Variants in SUSD4 observed in about 807,000 individuals in gnomAD.
SUSD4 encodes the protein sushi domain-containing protein 4.
Under a neutral mutation model 50.5 loss-of-function variants are expected in SUSD4, and 41 were observed. The ratio of observed to expected loss-of-function variants is 0.81; its 90% confidence interval spans 0.63 to 1.05. SUSD4 has a LOEUF of 1.05. Ranked by LOEUF, SUSD4 falls within the 50% of genes least tolerant of loss-of-function variation. The pLI, the probability that SUSD4 is intolerant of heterozygous loss-of-function variation, is 0.00. For missense variants in SUSD4, 580 were observed against 634.7 expected (o/e 0.91, Z 0.93); for synonymous variants, 257 against 257.3 (o/e 1.00, Z 0.01).
intron 5 of SUSD4, among the ~76,000 whole-genome samples, chr1:223,237,742 T>A (rs926468750): frequency 2.0e-5 from 3 of 152,054 alleles, no homozygotes; most frequent in African/African-American, 7.2e-5. Flanking sequence ...TTGGATTGGA[T>A]TTGCTAGTAT....
At chr1:223,290,057 C>A (rs1664386543) in intron 3 of SUSD4, among the ~76,000 whole-genome samples, 1 of 152,168 alleles carries the variant, frequency 6.6e-6, no homozygotes, top group African/African-American at 2.4e-5. Flanking sequence ...AATCTGAAAG[C>A]ACTTTTAAAC....
Position 223,328,109 on chromosome 1 carries a change from G to GA in SUSD4, c.148+35168_148+35169insT, listed in dbSNP as rs1410058722. Among the ~76,000 whole-genome samples, 7 of 151,312 alleles carry GA rather than the reference G, an allele frequency of 4.6e-5. No individual in the cohort carries two copies. The East Asian group carries it at 1.4e-3, about 29-fold the overall frequency. ...TAGTGTTCTCTAAAAAAAAAAAAAA[G>GA]TTTTTAAAAGAATATTGGCATCTTT... On this transcript the variant is annotated intron_variant, in intron 2 of 8. Coordinates refer to ENST00000366878, the MANE Select transcript of SUSD4 (RefSeq NM_017982.4).
At position 223,361,272 on chromosome 1, in the gene SUSD4, C is replaced by T. The variant is rs183646343; in HGVS notation, c.148+2006G>A. On this transcript the variant is annotated intron_variant, in intron 2 of 8. Coordinates refer to ENST00000366878, the MANE Select transcript of SUSD4 (RefSeq NM_017982.4). ...CCCCCACCACCCTTGCTTGCCCAAA[C>T]GGTTTATTCATAGAGGAACTGTGAA... is the stretch of plus-strand genomic sequence containing the variant. 2.2e-3 allele frequency among the ~76,000 whole-genome samples: 333 copies of T among 152,216 alleles called. 2 individuals carry two copies. The highest frequency in any genetic ancestry group is 1.5e-3 in the Admixed American group (23 of 15,298).
At chr1:223,289,214 C>A (rs1392460175) in intron 3 of SUSD4, 6 of 985,280 alleles carry the variant, frequency 6.1e-6, no homozygotes, top group Non-Finnish European at 7.2e-6. Flanking sequence ...CTCCTCTGTT[C>A]CCTGGGCCAT....
intron 2 of SUSD4, among the ~76,000 whole-genome samples, chr1:223,350,230 A>G (rs1347056442): frequency 1.3e-5 from 2 of 152,238 alleles, no homozygotes; most frequent in African/African-American, 2.4e-5. Flanking sequence ...AGTATCCCAC[A>G]TAGGCTCGAG....
intron 2 of SUSD4, among the ~76,000 whole-genome samples, chr1:223,320,393 GA>G (rs149515542): frequency 0.014 from 2,162 of 152,210 alleles, 47 homozygotes; most frequent in African/African-American, 0.048. Context: ...TCAGCATGTA[GA>G]ACAAGACCAG....
intron 5 of SUSD4, among the ~76,000 whole-genome samples, chr1:223,247,920 A>G (rs1351342288): frequency 6.6e-6 from 1 of 152,168 alleles, no homozygotes; most frequent in African/African-American, 2.4e-5. Context: ...CAGTATGCAA[A>G]TTAAATTGTC....
At chr1:223,360,163 T>A (rs142163139) in intron 2 of SUSD4, 1 of 469,520 alleles carries the variant, frequency 2.1e-6, no homozygotes, top group African/African-American at 2.0e-5. Context: ...CAGAGCCTGA[T>A]TGAGTTATTT....
chr1:223,356,103 A>G (rs1668649796), intron 2 of SUSD4, among the ~76,000 whole-genome samples: 1 of 151,304 alleles, frequency 6.6e-6, no homozygotes, highest in African/African-American at 2.4e-5. Context: ...CTTGTTTAAG[A>G]TTAATAAAGC....
Position 223,308,569 on chromosome 1 carries a change from A to T in SUSD4, c.149-15918T>A, listed in dbSNP as rs568287376. Among the ~76,000 whole-genome samples, 4 of 152,332 alleles carry T rather than the reference A, an allele frequency of 2.6e-5. No homozygotes were observed. In the East Asian group the frequency reaches 7.7e-4, roughly 29 times the overall value. ...CCTAATACATTAAGAAATAATATAT[A>T]AGCATATATAAGCTGAAACTGTTCA... On this transcript the variant is annotated intron_variant, in intron 2 of 8. Transcript: ENST00000366878.
At chr1:223,289,570 A>T (rs947454986) in intron 3 of SUSD4, among the ~76,000 whole-genome samples, 1 of 152,294 alleles carries the variant, frequency 6.6e-6, no homozygotes, top group Admixed American at 6.5e-5. Flanking sequence ...CTTAGTTTTT[A>T]AAAAATCTGC....
intron 5 of SUSD4, among the ~76,000 whole-genome samples, chr1:223,234,742 G>C (rs933149373): frequency 1.3e-5 from 2 of 152,144 alleles, no homozygotes; most frequent in Admixed American, 1.3e-4. Flanking sequence ...CCATTTTAGG[G>C]ATGTCTTAGT....
At chr1:223,230,958 G>C (rs1050005276) in intron 5 of SUSD4, among the ~76,000 whole-genome samples, 2 of 152,174 alleles carry the variant, frequency 1.3e-5, no homozygotes. Flanking sequence ...CAGGACTTGA[G>C]TATCTAAAGA....
intron 3 of SUSD4, among the ~76,000 whole-genome samples, chr1:223,278,443 A>G (rs1663438856): frequency 6.6e-6 from 1 of 152,220 alleles, no homozygotes; most frequent in South Asian, 2.1e-4. Flanking sequence ...GGAGGGTCCC[A>G]CACCCACAGA....
At chr1:223,304,238 T>G (rs565086167) in intron 2 of SUSD4, among the ~76,000 whole-genome samples, 1 of 152,310 alleles carries the variant, frequency 6.6e-6, no homozygotes, top group South Asian at 2.1e-4. Flanking sequence ...CTCCCTGACT[T>G]CAGGTCCGTT....
At chr1:223,268,013 T>TTATATATATATATATA (rs59885860) in intron 4 of SUSD4, among the ~76,000 whole-genome samples, 35 of 53,328 alleles carry the variant, frequency 6.6e-4, no homozygotes, top group East Asian at 3.4e-3. Context: ...CATGCATTTT[T>TTATATATATATATATA]TATATATATA....
chr1:223,299,416 T>C (rs1246476570), intron 2 of SUSD4, among the ~76,000 whole-genome samples: 4 of 152,244 alleles, frequency 2.6e-5, no homozygotes, highest in African/African-American at 7.2e-5. Context: ...CACAGAATGA[T>C]TCCAATATGT....
chr1:223,342,845 C>T (rs185332148), intron 2 of SUSD4, among the ~76,000 whole-genome samples: 5 of 152,132 alleles, frequency 3.3e-5, no homozygotes, highest in East Asian at 1.9e-4. Context: ...ATACCAATAC[C>T]GGTTTCTCTA....
At chr1:223,291,801 A>T (rs1664508725) in intron 3 of SUSD4, among the ~76,000 whole-genome samples, 1 of 152,208 alleles carries the variant, frequency 6.6e-6, no homozygotes, top group Non-Finnish European at 1.5e-5. Flanking sequence ...ATGCATTTTT[A>T]AAAAGTCTGA....
Sources: allele counts gnomAD v4.1 joint callset (sites outside exome capture counted in the v4.1 genomes callset), GRCh38; gene constraint gnomAD v4.1.1; transcripts MANE v1.5; gene names NCBI Gene and HGNC (gene_info 2026-07-23, HGNC 2026-07-21).